The following LRSAM1 variants were observed in gnomAD, a reference collection of about 807,000 sequenced individuals.
LRSAM1 encodes the protein E3 ubiquitin-protein ligase LRSAM1.
Under a neutral mutation model 118.1 loss-of-function variants are expected in LRSAM1, and 96 were observed. The ratio of observed to expected loss-of-function variants is 0.81; its 90% confidence interval spans 0.69 to 0.96. The LOEUF (loss-of-function observed/expected upper bound fraction) is 0.96. Among genes scored for constraint, LRSAM1 ranks in the 40% least tolerant of loss-of-function variants. LRSAM1 has a pLI of 0.00. For missense variants in LRSAM1, 804 were observed against 915.5 expected (o/e 0.88, Z 1.57); for synonymous variants, 322 against 364.2 (o/e 0.88, Z 1.32).
In LRSAM1 at chr9:127,461,226, C is replaced by T. The variant is rs779873656; in HGVS notation, c.375C>T (p.Asn125=). 37 of 1,612,246 alleles carry T rather than the reference C, an allele frequency of 2.3e-5. No individual in the cohort carries two copies. The highest frequency in any genetic ancestry group is 3.3e-5 in the Admixed American group (2 of 59,954). The part of the protein sequence containing the change: ...QLMQLPRSIG[N]LTQLQTLNVK... ...TGCAGCTCCCACGTTCCATTGGGAA[C>T]CTGACCCAGCTCCAGACTCTCAATG... The change falls in exon 8 of 26, where the codon AAC becomes AAT. Residue 125 remains asparagine (N), a synonymous_variant. Transcript: ENST00000300417.
chr9:127,472,868 G>C (rs1835224356), intron 10 of LRSAM1, among the ~76,000 whole-genome samples: 1 of 152,216 alleles, frequency 6.6e-6, no homozygotes, highest in South Asian at 2.1e-4. Context: ...CCAGTTTCCT[G>C]CTGTTCTGAA....
intron 2 of LRSAM1, among the ~76,000 whole-genome samples, chr9:127,452,851 C>T (rs971891321): frequency 3.9e-5 from 6 of 152,206 alleles, no homozygotes; most frequent in Non-Finnish European, 8.8e-5. Context: ...CATTGCCATC[C>T]CTTATCCAGC....
intron 12 of LRSAM1, 29 bp downstream of exon 12, chr9:127,478,992 C>G: frequency 1.2e-6 from 2 of 1,601,292 alleles, no homozygotes; most frequent in Non-Finnish European, 1.7e-6. Flanking sequence ...CCTTCTGTCA[C>G]TCTTTTCTCA....
chr9:127,456,903 T>C (rs555414764), intron 5 of LRSAM1, among the ~76,000 whole-genome samples: 1 of 151,796 alleles, frequency 6.6e-6, no homozygotes, highest in East Asian at 1.9e-4. Flanking sequence ...TAGCAGTAGA[T>C]GACCTGGACT....
intron 2 of LRSAM1, 121 bp from the exon 3 acceptor site, chr9:127,454,375 G>T: frequency 1.3e-6 from 1 of 779,030 alleles, no homozygotes. Flanking sequence ...CACAGCCCCT[G>T]CCTCCATGGA....
Position 127,472,297 on chromosome 9 carries a change from G to GTATA in LRSAM1, c.620-1490_620-1487dup, listed in dbSNP as rs10607015. On this transcript the variant is annotated intron_variant, in intron 10 of 25. Coordinates refer to ENST00000300417, the MANE Select transcript of LRSAM1 (RefSeq NM_001005373.4). Reference sequence around the variant, plus strand: ...TTCAATTTACCTAAACTATGTAGAAGTATATATATATATATATGTGTGTGT... The same window carrying GTATA: ...TTCAATTTACCTAAACTATGTAGAAGTATATATATATATATATATATGTGTGTGT... Among the ~76,000 whole-genome samples the GTATA allele has an allele frequency of 1.2e-4, 14 of 119,678 alleles. No homozygotes were observed. The East Asian group carries it at 1.4e-3, about 12-fold the overall frequency. 78.5% of individuals were successfully genotyped at this position (119,678 alleles called of 152,430 possible).
intron 2 of LRSAM1, 71 bp downstream of exon 2, chr9:127,452,155 G>C (rs1029340702): frequency 6.6e-6 from 1 of 152,326 alleles, no homozygotes; most frequent in African/African-American, 2.4e-5. Context: ...CTGGACGTCG[G>C]AGAGGGAGGG....
intron 10 of LRSAM1, among the ~76,000 whole-genome samples, chr9:127,469,630 A>AC (rs1372584615): frequency 1.3e-5 from 2 of 151,634 alleles, no homozygotes; most frequent in African/African-American, 4.8e-5. Context: ...GAAAAAAAAA[A>AC]ACAAAAAACT....
chr9:127,503,083 T>C lies in LRSAM1; in HGVS notation c.*184T>C. 1 of 760,266 alleles carries C rather than the reference T, an allele frequency of 1.3e-6. No individual in the cohort carries two copies. The highest frequency in any genetic ancestry group is 2.1e-6 in the Non-Finnish European group (1 of 469,268). 47.1% of individuals were successfully genotyped at this position (760,266 alleles called of 1,614,324 possible). A position where few individuals can be genotyped will look rare whatever the true frequency, so the allele number is the denominator to read the frequency against. On this transcript the variant is annotated 3_prime_UTR_variant, in exon 26 of 26. Transcript: ENST00000300417. ...TGTCTGGGCCAGGCAGAGGTGCTCC[T>C]CATCCATGACACCACCAGTCTGAAT...
chr9:127,474,724 T>A (rs138865676), intron 11 of LRSAM1, among the ~76,000 whole-genome samples: 2 of 152,314 alleles, frequency 1.3e-5, no homozygotes, highest in Non-Finnish European at 2.9e-5. Flanking sequence ...ATGCTCTGGG[T>A]CTAGTGAAGG....
At position 127,460,847 on chromosome 9, in the gene LRSAM1, CTTTTTTT is replaced by C. The variant is rs58140930; in HGVS notation, c.322-306_322-300del. On this transcript the variant is annotated intron_variant, in intron 7 of 25. Coordinates refer to ENST00000300417, the MANE Select transcript of LRSAM1 (RefSeq NM_001005373.4). ...TCGTGTCACCTCTTCCTGTTTCTTT[CTTTTTTT>C]TTTTTTTTTTTTTTTTTTTGAGACG... is the stretch of plus-strand genomic sequence containing the variant. Among the ~76,000 whole-genome samples, 497 of 77,424 alleles carry C rather than the reference CTTTTTTT, an allele frequency of 6.4e-3. 6 individuals are homozygous for C. The highest frequency in any genetic ancestry group is 0.023 in the African/African-American group (458 of 20,160). The allele number at this position is 77,424 out of a possible 152,430, so 50.8% of individuals were successfully genotyped here.
Position 127,487,702 on chromosome 9 carries a change from A to C in LRSAM1, c.1286A>C (p.Gln429Pro). The change falls in exon 18 of 26, where the codon CAG (glutamine) becomes CCG (proline). Residue 429 changes from glutamine to proline, a missense_variant. By Grantham distance (76) the Gln-to-Pro change is moderately conservative. Coordinates refer to ENST00000300417, the MANE Select transcript of LRSAM1 (RefSeq NM_001005373.4). ...SSMAEMDERF[Q>P]QILSWQQMDQ... is the part of the protein sequence containing the mutation. ...ATGGCCGAAATGGATGAACGATTCCAGCAGATTCTGTCGTGGCAGCAAATG... is the reference window on the plus strand; with the variant it reads ...ATGGCCGAAATGGATGAACGATTCCCGCAGATTCTGTCGTGGCAGCAAATG... 1 of 1,613,852 alleles carries C rather than the reference A, an allele frequency of 6.2e-7. No homozygotes were observed. The highest frequency in any genetic ancestry group is 1.1e-5 in the South Asian group (1 of 90,970).
In LRSAM1 at chr9:127,489,441, C is replaced by G; in HGVS notation, c.1348-3C>G. On this transcript the variant is annotated splice_polypyrimidine_tract_variant and splice_region_variant and intron_variant, in intron 18 of 25. Coordinates refer to ENST00000300417, the MANE Select transcript of LRSAM1 (RefSeq NM_001005373.4). ...TGCTGAGGGCTGGTGGTCTGTGTTGCAGAGCGCGATGCAGAAGGCTGCGTT... is the reference window on the plus strand; with the variant it reads ...TGCTGAGGGCTGGTGGTCTGTGTTGGAGAGCGCGATGCAGAAGGCTGCGTT... 1 of 1,605,490 alleles carries G rather than the reference C, an allele frequency of 6.2e-7. No individual in the cohort carries two copies. The highest frequency in any genetic ancestry group is 1.7e-5 in the Admixed American group (1 of 58,550).
chr9:127,496,268 T>C (rs1836141077), intron 23 of LRSAM1, among the ~76,000 whole-genome samples, 173 bp downstream of exon 23: 1 of 152,264 alleles, frequency 6.6e-6, no homozygotes, highest in Admixed American at 6.5e-5. Flanking sequence ...CCCAGCCGCC[T>C]GTGTGTGCCC....
At chr9:127,470,589 C>A (rs1332184129) in intron 10 of LRSAM1, among the ~76,000 whole-genome samples, 2 of 152,022 alleles carry the variant, frequency 1.3e-5, no homozygotes, top group African/African-American at 4.8e-5. Context: ...ACTATTTATG[C>A]CAGTCCAACC....
intron 15 of LRSAM1, 102 bp downstream of exon 15, chr9:127,481,329 T>C: frequency 7.6e-7 from 1 of 1,313,380 alleles, no homozygotes; most frequent in Non-Finnish European, 1.1e-6. Flanking sequence ...CTCGGCTCAG[T>C]GCAACCCCCG....
chr9:127,499,985 C>T (rs895610793), intron 24 of LRSAM1, among the ~76,000 whole-genome samples: 2 of 151,622 alleles, frequency 1.3e-5, no homozygotes, highest in African/African-American at 4.9e-5. Context: ...TAATTCAAGC[C>T]GTAGAATAAA....
At chr9:127,457,667 C>T (rs955533865) in intron 6 of LRSAM1, among the ~76,000 whole-genome samples, 2 of 152,170 alleles carry the variant, frequency 1.3e-5, no homozygotes, top group Non-Finnish European at 2.9e-5. Flanking sequence ...TAGCAGAGGG[C>T]GAGGAGACTG....
intron 8 of LRSAM1, 124 bp downstream of exon 8, chr9:127,461,381 T>C (rs1425779222): frequency 1.3e-6 from 1 of 780,136 alleles, no homozygotes. Context: ...CGGGGGTCGC[T>C]GTAAATGGAC....
Sources: allele counts gnomAD v4.1 joint callset (sites outside exome capture counted in the v4.1 genomes callset), GRCh38; gene constraint gnomAD v4.1.1; transcripts MANE v1.5; gene names NCBI Gene and HGNC (gene_info 2026-07-23, HGNC 2026-07-21).